Variants in RCC1L observed in about 807,000 individuals in gnomAD.
RCC1L encodes the protein RCC1 like, also known as RCC1-like G exchanging factor-like protein.
In RCC1L, 46 loss-of-function variants were observed where a neutral mutation model predicts 58.6. The ratio of observed to expected loss-of-function variants is 0.79; its 90% CI spans 0.62 to 1.00. RCC1L has a LOEUF of 1.00. RCC1L is among the 50% of genes least tolerant of loss of function. The pLI is 0.00. For synonymous variants in RCC1L, 281 were observed against 262.9 expected, an observed-to-expected ratio of 1.07 and a Z score of -0.67; for missense variants, 636 against 623.6, an observed-to-expected ratio of 1.02 and a Z score of -0.21.
At chr7:75,063,962 T>C (rs1806366072) in intron 4 of RCC1L, among the ~76,000 whole-genome samples, 1 of 150,696 alleles carries the variant, frequency 6.6e-6, no homozygotes, top group Non-Finnish European at 1.5e-5. Flanking sequence ...ATGAAAAAAA[T>C]GAAATAAAAA....
chr7:75,041,183 C>T (rs1268184262), downstream of RCC1L, among the ~76,000 whole-genome samples: 1 of 151,750 alleles, frequency 6.6e-6, no homozygotes, highest in Non-Finnish European at 1.5e-5. Flanking sequence ...CACTGCACTC[C>T]AGCCTGGGCG....
intron 3 of RCC1L, among the ~76,000 whole-genome samples, chr7:75,065,896 T>C (rs1209659996): frequency 2.6e-5 from 4 of 151,210 alleles, no homozygotes; most frequent in Non-Finnish European, 4.4e-5. Flanking sequence ...CAGGCACCTG[T>C]AATCCCAGCT....
At chr7:75,057,421 T>C in intron 8 of RCC1L, 108 bp downstream of exon 8, 1 of 1,149,692 alleles carries the variant, frequency 8.7e-7, no homozygotes, top group Non-Finnish European at 1.3e-6. Context: ...CCAGCCATGT[T>C]ACCCTCCTAA....
chr7:75,073,687 G>C lies in RCC1L; in HGVS notation c.51C>G (p.Ser17Arg). 1 of 1,504,564 alleles carries C rather than the reference G, an allele frequency of 6.6e-7. No homozygotes were observed. 93.2% of individuals were successfully genotyped at this position (1,504,564 alleles called of 1,614,324 possible). The change falls in exon 1 of 11, where the codon AGC becomes AGG. Residue 17 changes from serine (S) to arginine (R), a missense_variant. Ser to Arg is a moderately radical substitution (Grantham distance 110). Coordinates refer to ENST00000610322, the MANE Select transcript of RCC1L (RefSeq NM_030798.5). ...VAGARLGRRL[S>R]GPGLGRGHWT... ...AGTGCCCTCGCCCCAGCCCCGGCCC[G>C]CTCAGCCGCCGCCCCAGCCGAGCCC...
At chr7:75,061,090 G>A (rs1199673187) in intron 6 of RCC1L, 117 bp downstream of exon 6, 4 of 862,998 alleles carry the variant, frequency 4.6e-6, no homozygotes, top group South Asian at 2.6e-5. Flanking sequence ...AAAGTGATAA[G>A]AGGTAAGAGC....
chr7:75,065,375 T>C (rs1554444952), intron 3 of RCC1L, among the ~76,000 whole-genome samples: 2 of 151,770 alleles, frequency 1.3e-5, no homozygotes, highest in Non-Finnish European at 2.9e-5. Context: ...GCAAACATGG[T>C]GAAACCCTGT....
In RCC1L at chr7:75,057,635, C is replaced by T; in HGVS notation, c.970-19G>A. 1 of 1,613,208 alleles carries T rather than the reference C, an allele frequency of 6.2e-7. No homozygotes were observed. The highest frequency in any genetic ancestry group is 8.5e-7 in the Non-Finnish European group (1 of 1,179,268). ...CATTCACCTGAACCAAAGAAAGGAG[C>T]CACACTGTTAGGAAAGCAAGCCAGT... On this transcript the variant is annotated intron_variant, in intron 7 of 10. Transcript: ENST00000610322.
intron 1 of RCC1L, among the ~76,000 whole-genome samples, chr7:75,071,489 T>C (rs904185692): frequency 6.6e-5 from 10 of 151,974 alleles, no homozygotes; most frequent in Non-Finnish European, 1.0e-4. Context: ...CTACTAAAAA[T>C]ACAAAAATTA....
At chr7:75,028,782 C>T (rs1287356615) in intron 10 of RCC1L, among the ~76,000 whole-genome samples, 1 of 152,184 alleles carries the variant, frequency 6.6e-6, no homozygotes, top group East Asian at 1.9e-4. Flanking sequence ...GGGCACTGCC[C>T]ACACCACTGT....
chr7:75,057,583 C>T lies in RCC1L; in HGVS notation c.1003G>A (p.Val335Met). The T allele has an allele frequency of 6.2e-7, 1 of 1,613,940 alleles. No homozygotes were observed. Among genetic ancestry groups the T allele is most frequent in the Non-Finnish European group, 8.5e-7 (1 of 1,179,854 alleles). Residue 335 changes from valine (V) to methionine (M), a missense_variant, in exon 8 of 11, where the codon GTG becomes ATG. Physicochemically the swap from Val to Met is conservative, Grantham distance 21 (BLOSUM62 1). Coordinates refer to ENST00000610322, the MANE Select transcript of RCC1L (RefSeq NM_030798.5). Reference protein sequence around the residue: ...NVPRCLHFSGVGKVRQAACGG... With the variant: ...NVPRCLHFSGMGKVRQAACGG... ...CATGCAGCCTGTCGCACCTTCCCCA[C>T]TCCTGAGAAGTGTAAGCAGCGGGGC...
intron 10 of RCC1L, among the ~76,000 whole-genome samples, chr7:75,028,268 T>G (rs1403192626): frequency 1.3e-5 from 2 of 152,068 alleles, no homozygotes; most frequent in South Asian, 2.1e-4. Flanking sequence ...TTACAGGCAC[T>G]CACCACCACA....
At chr7:75,066,871 ACTGG>A in intron 2 of RCC1L, 79 bp from the exon 3 acceptor site, 1 of 1,495,218 alleles carries the variant, frequency 6.7e-7, no homozygotes, top group Admixed American at 2.4e-5. Context: ...ACGCTACTAC[ACTGG>A]AAAAAAGAGA....
chr7:75,029,640 G>A (rs1189207672), intron 10 of RCC1L, among the ~76,000 whole-genome samples: 5 of 151,854 alleles, frequency 3.3e-5, no homozygotes, highest in African/African-American at 4.8e-5. Context: ...TACCCCGCCT[G>A]GCCAATGGGA....
intron 1 of RCC1L, 103 bp from the exon 2 acceptor site, chr7:75,070,872 C>T: frequency 1.3e-5 from 20 of 1,483,340 alleles, no homozygotes; most frequent in South Asian, 2.5e-5. Context: ...ATACTATTTA[C>T]GGGGGTTTTG....
rs1238379405 is a variant in RCC1L at position 75,073,526 on chromosome 7, G to GC, written c.211dup (p.Ala71GlyfsTer54). ...CACCACAAAGGAAGGCACGCCCAGC[G>GC]CCCCCGAGAAGCTGAAGCCCCACAC... On this transcript the variant is annotated frameshift_variant, in exon 1 of 11. Coordinates refer to ENST00000610322, the MANE Select transcript of RCC1L (RefSeq NM_030798.5). LOFTEE classifies it high-confidence loss of function. 5 of 1,463,248 alleles carry GC rather than the reference G, an allele frequency of 3.4e-6. No individual in the cohort carries two copies. The African/African-American group carries it at 5.9e-5, about 17-fold the overall frequency. 90.6% of individuals were successfully genotyped at this position (1,463,248 alleles called of 1,614,324 possible).
In RCC1L at chr7:75,073,471, G is replaced by A; in HGVS notation, c.267C>T (p.Gly89=). The A allele has an allele frequency of 7.3e-7, 1 of 1,378,190 alleles. No individual in the cohort carries two copies. The highest frequency in any genetic ancestry group is 1.7e-5 in the South Asian group (1 of 60,454). 85.4% of individuals were successfully genotyped at this position (1,378,190 alleles called of 1,614,324 possible). ...GCTGGATCCTGCGGCGCGGTCGGGC[G>A]CCGGCGCGGGGCCCGGGCCCGGAGC... ...VPSSGPGPRA[G]ARPRRRIQPV... Residue 89 remains glycine (G), a synonymous_variant, in exon 1 of 11, where the codon GGC becomes GGT. Coordinates refer to ENST00000610322, the MANE Select transcript of RCC1L (RefSeq NM_030798.5).
chr7:75,040,450 ACT>A (rs1335953688), downstream of RCC1L, among the ~76,000 whole-genome samples: 3 of 151,878 alleles, frequency 2.0e-5, no homozygotes, highest in South Asian at 2.1e-4. Flanking sequence ...ACAGAGAGAG[ACT>A]CTGTCTCAAA....
chr7:75,028,401 A>G (rs977144023), intron 10 of RCC1L, among the ~76,000 whole-genome samples: 9 of 152,084 alleles, frequency 5.9e-5, no homozygotes, highest in Admixed American at 1.3e-4. Context: ...GATTACAGGC[A>G]TGAGCCACCG....
chr7:75,047,883 G>C (rs974741872), intron 10 of RCC1L, among the ~76,000 whole-genome samples: 1 of 138,830 alleles, frequency 7.2e-6, no homozygotes, highest in Non-Finnish European at 1.5e-5. Context: ...CTGACCCCAT[G>C]ATCTGCCCAT....
Sources: gnomAD v4.1 joint callset for allele counts (sites outside exome capture counted in the v4.1 genomes callset) on GRCh38, gnomAD v4.1.1 for gene constraint, MANE v1.5 for transcripts, NCBI Gene and HGNC (gene_info 2026-07-23, HGNC 2026-07-21) for gene names.